NFATC3: variants seen among roughly 807,000 people sequenced by gnomAD.
The protein encoded by NFATC3 is nuclear factor of activated T-cells, cytoplasmic 3.
Under a neutral mutation model 98.6 loss-of-function variants are expected in NFATC3, and 46 were observed. That is an observed-to-expected ratio of 0.47 (90% CI 0.37 to 0.60). The LOEUF is 0.60. Ranked by LOEUF, NFATC3 falls within the 20% of genes least tolerant of loss-of-function variation. The pLI is 0.00. For missense variants in NFATC3, 1,256 were observed against 1,295.5 expected, an observed-to-expected ratio of 0.97 and a Z score of 0.47; for synonymous variants, 512 against 472.2, an observed-to-expected ratio of 1.08 and a Z score of -1.09.
chr16:68,170,062 T>C (rs2039384988), intron 5 of NFATC3, among the ~76,000 whole-genome samples: 1 of 151,198 alleles, frequency 6.6e-6, no homozygotes, highest in African/African-American at 2.4e-5. Flanking sequence ...AAATAAAAAA[T>C]AAAAATAAAA....
chr16:68,150,978 G>A (rs1387491068), intron 3 of NFATC3, among the ~76,000 whole-genome samples: 1 of 152,136 alleles, frequency 6.6e-6, no homozygotes, highest in Admixed American at 6.5e-5. Context: ...GGGGGACTGT[G>A]AGTCAATTAA....
At chr16:68,124,973 T>G (rs1283928258) in intron 2 of NFATC3, among the ~76,000 whole-genome samples, 1 of 145,764 alleles carries the variant, frequency 6.9e-6, no homozygotes, top group Non-Finnish European at 1.5e-5. Flanking sequence ...TCAGGTGATC[T>G]GCCCGCCTCG....
At chr16:68,114,956 C>T (rs1488129467) in intron 1 of NFATC3, among the ~76,000 whole-genome samples, 1 of 152,138 alleles carries the variant, frequency 6.6e-6, no homozygotes, top group Non-Finnish European at 1.5e-5. Flanking sequence ...AGTTTTTCTA[C>T]CAGTTGTTCT....
At chr16:68,208,032 T>TTTTA (rs900435829) in intron 9 of NFATC3, among the ~76,000 whole-genome samples, 1 of 152,026 alleles carries the variant, frequency 6.6e-6, no homozygotes, top group Non-Finnish European at 1.5e-5. Flanking sequence ...AAATCCTTTA[T>TTTTA]TTTATTTATT....
chr16:68,150,407 A>G (rs560774920), intron 3 of NFATC3, among the ~76,000 whole-genome samples: 75 of 140,774 alleles, frequency 5.3e-4, no homozygotes, highest in African/African-American at 1.9e-3. Context: ...TGGGACTTCT[A>G]TATCTAAAAA....
At chr16:68,209,889 G>C in intron 9 of NFATC3, 1 of 237,292 alleles carries the variant, frequency 4.2e-6, no homozygotes, top group Non-Finnish European at 8.5e-6. Context: ...ACTCACTCTG[G>C]GCATGTTGGC....
chr16:68,103,957 G>A (rs554793147), intron 1 of NFATC3, among the ~76,000 whole-genome samples: 5 of 152,286 alleles, frequency 3.3e-5, no homozygotes, highest in African/African-American at 1.2e-4. Flanking sequence ...TTTGTAGTAA[G>A]TTTTGGAGTG....
intron 6 of NFATC3, 132 bp downstream of exon 6, chr16:68,174,646 A>G (rs145337756): frequency 0.012 from 7,714 of 654,652 alleles, 58 homozygotes; most frequent in Non-Finnish European, 0.015. Context: ...ACTTGATTTT[A>G]TTTTAAACCA....
intron 3 of NFATC3, among the ~76,000 whole-genome samples, chr16:68,156,709 G>A (rs551235496): frequency 2.4e-4 from 37 of 152,282 alleles, no homozygotes; most frequent in African/African-American, 7.9e-4. Flanking sequence ...GGAGGTCGAG[G>A]CGGGCAGATC....
chr16:68,105,520 C>A (rs76984161), intron 1 of NFATC3, among the ~76,000 whole-genome samples: 18,066 of 152,022 alleles, frequency 0.12, 1,215 homozygotes, highest in South Asian at 0.2. Flanking sequence ...ATTCAGTTTG[C>A]TAGTGTATAT....
chr16:68,086,821 T>A, intron 1 of NFATC3: 1 of 969,004 alleles, frequency 1.0e-6, no homozygotes, highest in Non-Finnish European at 1.2e-6. Context: ...TCGGTCCTTT[T>A]AGTCTTCATA....
chr16:68,190,981 A>T lies in NFATC3; in HGVS notation c.2312A>T (p.Asp771Val), dbSNP rs1190444220. 1.2e-6 allele frequency: 2 copies of T among 1,614,098 alleles called. No individual in the cohort carries two copies. Among genetic ancestry groups the T allele is most frequent in the Admixed American group, 3.3e-5 (2 of 60,006 alleles). Reference protein sequence around the residue: ...SSHLPQLQCRDESVSKEQHMI... With the variant: ...SSHLPQLQCRVESVSKEQHMI... ...CATCTGCCACAGTTGCAGTGTAGAGATGAGAGTGTTAGTAAAGAACAGCAT... is the reference window on the plus strand; with the variant it reads ...CATCTGCCACAGTTGCAGTGTAGAGTTGAGAGTGTTAGTAAAGAACAGCAT... Residue 771 changes from aspartate to valine, a missense_variant, in exon 9 of 10, where the codon GAT becomes GTT. This residue lies in a region of NFATC3 where 636 missense variants were observed against 617.3 expected (regional missense o/e 1.03). Transcript: ENST00000346183.
chr16:68,151,434 C>T (rs1282411229), intron 3 of NFATC3, among the ~76,000 whole-genome samples: 2 of 152,122 alleles, frequency 1.3e-5, no homozygotes, highest in African/African-American at 4.8e-5. Context: ...GAACTCTTTA[C>T]ATGGTAAGTT....
chr16:68,182,330 CAG>C (rs772833446), intron 7 of NFATC3, among the ~76,000 whole-genome samples: 4 of 152,108 alleles, frequency 2.6e-5, no homozygotes, highest in South Asian at 2.1e-4. Flanking sequence ...GGAATGGAGA[CAG>C]AGCATTTTCT....
intron 3 of NFATC3, among the ~76,000 whole-genome samples, chr16:68,137,638 C>CAG (rs368035536): frequency 0.013 from 1,898 of 140,672 alleles, 42 homozygotes; most frequent in African/African-American, 0.047. Flanking sequence ...TTTTTTGAAA[C>CAG]AGTCTTGCTC....
Position 68,130,723 on chromosome 16 carries a change from A to C in NFATC3, c.1401+4113A>C, listed in dbSNP as rs184612131. On this transcript the variant is annotated intron_variant, in intron 3 of 9. Coordinates refer to ENST00000346183, the MANE Select transcript of NFATC3 (RefSeq NM_173165.3). The stretch of plus-strand genomic sequence containing the variant: ...TACTCATAAAATCTTTGCTTAGATC[A>C]GCGTTATGGAGCTTTCCCCCTGTGT... Among the ~76,000 whole-genome samples the C allele has an allele frequency of 7.9e-5, 12 of 152,204 alleles. No homozygotes were observed. The East Asian group carries it at 2.1e-3, about 27-fold the overall frequency.
In NFATC3 at chr16:68,218,132, G is replaced by A. The variant is rs143849420; in HGVS notation, c.3107-8218G>A. 6 of 677,984 alleles carry A rather than the reference G, an allele frequency of 8.8e-6. No homozygotes were observed. The African/African-American group carries it at 9.7e-5, about 11-fold the overall frequency. The allele number at this position is 677,984 out of a possible 1,614,324, so 42.0% of individuals were successfully genotyped here. On this transcript the variant is annotated intron_variant, in intron 9 of 9. Transcript: ENST00000346183. ...TGGAGTGCAGTGGTGCACGATCATA[G>A]CTTACTGCATCCTGGAACTCCCTGG... is the stretch of plus-strand genomic sequence containing the variant.
chr16:68,089,354 T>C (rs1362253853), intron 1 of NFATC3: 1 of 890,290 alleles, frequency 1.1e-6, no homozygotes, highest in Non-Finnish European at 1.3e-6. Flanking sequence ...ACGACTGACT[T>C]TTTAAGACTA....
At chr16:68,125,917 G>GC (rs2036811822) in intron 2 of NFATC3, among the ~76,000 whole-genome samples, 1 of 151,972 alleles carries the variant, frequency 6.6e-6, no homozygotes, top group South Asian at 2.1e-4. Context: ...TTTTGAGACA[G>GC]AGTCTCGCTC....
Sources: allele counts gnomAD v4.1 joint callset (sites outside exome capture counted in the v4.1 genomes callset), GRCh38; gene constraint gnomAD v4.1.1; regional missense constraint gnomAD v4.1.1; transcripts MANE v1.5; gene names NCBI Gene and HGNC (gene_info 2026-07-23, HGNC 2026-07-21).